Variants in HELZ observed in about 807,000 individuals in gnomAD.
HELZ encodes helicase with zinc finger.
A neutral mutation model predicts 218.2 loss-of-function variants in HELZ; 23 were observed. The ratio of observed to expected loss-of-function variants is 0.11; its 90% CI spans 0.08 to 0.15. The LOEUF is 0.15. HELZ is among the 10% of genes least tolerant of loss of function. The pLI is 1.00. For synonymous variants in HELZ, 814 were observed against 829.4 expected (o/e 0.98, Z 0.32); for missense variants, 1,813 against 2,353.7 (o/e 0.77, Z 4.75).
chr17:67,112,098 T>C (rs1367364418), intron 28 of HELZ, among the ~76,000 whole-genome samples: 1 of 152,224 alleles, frequency 6.6e-6, no homozygotes, highest in Non-Finnish European at 1.5e-5. Flanking sequence ...TGGTAAGAGC[T>C]GAAGAAGCCT....
chr17:67,162,223 C>T (rs960144634), intron 15 of HELZ, among the ~76,000 whole-genome samples: 16 of 152,182 alleles, frequency 1.1e-4, no homozygotes, highest in Middle Eastern at 3.4e-3. Flanking sequence ...CAAGACCACC[C>T]TGAGCAACAC....
chr17:67,120,582 C>A lies in HELZ; in HGVS notation c.3661G>T (p.Ala1221Ser). The A allele has an allele frequency of 1.9e-6, 3 of 1,612,744 alleles. No homozygotes were observed. The highest frequency in any genetic ancestry group is 8.5e-7 in the Non-Finnish European group (1 of 1,179,798). Residue 1221 changes from alanine (A) to serine (S), a missense_variant, in exon 27 of 33, where the codon GCA becomes TCA. Physicochemically the swap from Ala to Ser is moderately conservative, Grantham distance 99. Coordinates refer to ENST00000358691, the MANE Select transcript of HELZ (RefSeq NM_014877.4). Reference sequence around the variant, plus strand: ...TGTGTAATAATTCGAGGATCAACTGCAAACCTACCCTGGTATCCTGTCCAT... The same window carrying A: ...TGTGTAATAATTCGAGGATCAACTGAAAACCTACCCTGGTATCCTGTCCAT... ...VPWTGYQGRFAVDPRIITHQA... is the reference protein window; with the variant it reads ...VPWTGYQGRFSVDPRIITHQA...
intron 21 of HELZ, 111 bp from the exon 22 acceptor site, chr17:67,138,225 TAA>T (rs373757165): frequency 1.1e-3 from 608 of 538,636 alleles, no homozygotes; most frequent in South Asian, 1.5e-3. Flanking sequence ...AGATGTCATT[TAA>T]AAAAAAAAAA....
intron 13 of HELZ, among the ~76,000 whole-genome samples, chr17:67,174,159 A>T (rs2039387409): frequency 6.6e-6 from 1 of 151,964 alleles, no homozygotes; most frequent in South Asian, 2.1e-4. Context: ...AAAACAACCT[A>T]AGAAGAAATT....
intron 31 of HELZ, among the ~76,000 whole-genome samples, chr17:67,104,395 C>T (rs1310709922): frequency 2.0e-5 from 3 of 149,920 alleles, no homozygotes; most frequent in South Asian, 2.2e-4. Flanking sequence ...GCCGAGATGG[C>T]GCCACTGCAC....
chr17:67,245,841 C>T (rs1458695787), upstream of HELZ: 1 of 152,352 alleles, frequency 6.6e-6, no homozygotes, highest in African/African-American at 2.4e-5. Context: ...GTCCCGCGGT[C>T]TCCTCCTCCG....
Position 67,166,657 on chromosome 17 carries a change from A to G in HELZ, c.1765-49T>C, listed in dbSNP as rs376394315. 2.5e-6 allele frequency: 4 copies of G among 1,570,010 alleles called. No homozygotes were observed. In the African/African-American group the frequency reaches 4.1e-5, roughly 16 times the overall value. On this transcript the variant is annotated intron_variant, in intron 14 of 32. Transcript: ENST00000358691. ...AAAAACTGCATGAAAGCAAACATCA[A>G]TGCTGGCAGCTCACTAGAATACTTT...
chr17:67,241,204 A>G (rs2041305876), intron 2 of HELZ, among the ~76,000 whole-genome samples: 2 of 152,252 alleles, frequency 1.3e-5, no homozygotes, highest in Admixed American at 1.3e-4. Flanking sequence ...ATGTATATTC[A>G]CCTAAGTTTA....
intron 5 of HELZ, among the ~76,000 whole-genome samples, chr17:67,212,494 T>C (rs1008698769): frequency 1.3e-5 from 2 of 151,976 alleles, no homozygotes; most frequent in African/African-American, 4.8e-5. Flanking sequence ...CTAACCATAG[T>C]ACTTCATCTT....
chr17:67,182,329 C>A (rs1423121885), intron 12 of HELZ, among the ~76,000 whole-genome samples: 1 of 152,046 alleles, frequency 6.6e-6, no homozygotes, highest in Admixed American at 6.6e-5. Flanking sequence ...CCTGTAGTCC[C>A]AGCTACTCCA....
In HELZ at chr17:67,075,952, T is replaced by C. The variant is rs978513658; in HGVS notation, c.*2300A>G. ...AGCTTCCATCATCAACATATTTATA[T>C]AAGGTGATGGGGTGCATACACGACC... On this transcript the variant is annotated 3_prime_UTR_variant, in exon 33 of 33. Coordinates refer to ENST00000358691, the MANE Select transcript of HELZ (RefSeq NM_014877.4). 6.6e-6 allele frequency: 1 copy of C among 152,640 alleles called. No homozygotes were observed. Among genetic ancestry groups the C allele is most frequent in the African/African-American group, 2.4e-5 (1 of 41,454 alleles). 9.5% of individuals were successfully genotyped at this position (152,640 alleles called of 1,614,324 possible). A position where few individuals can be genotyped will look rare whatever the true frequency, so the allele number is the denominator to read the frequency against.
At chr17:67,243,753 A>C (rs767801472) in intron 2 of HELZ, 31 bp downstream of exon 2, 1 of 152,560 alleles carries the variant, frequency 6.6e-6, no homozygotes, top group Admixed American at 6.5e-5. Context: ...AAGAAGGAAA[A>C]AAAGGAAATC....
chr17:67,218,797 T>A lies in HELZ; in HGVS notation c.8A>T (p.Asp3Val), dbSNP rs2040672305. The change falls in exon 4 of 33, where the codon GAC becomes GTC. Residue 3 changes from aspartate to valine, a missense_variant. Transcript: ENST00000358691. ME[D>V]RRAEKSCEQA... ...TTCACATGACTTTTCAGCTCTTCTG[T>A]CTTCCATGACTCAGGGACAAAAATC... 1 of 1,614,004 alleles carries A rather than the reference T, an allele frequency of 6.2e-7. No homozygotes were observed. The highest frequency in any genetic ancestry group is 8.5e-7 in the Non-Finnish European group (1 of 1,179,992).
rs1472919131 is a variant in HELZ, at chr17:67,074,131, A to G, written c.*4121T>C. 1 of 152,188 alleles carries G rather than the reference A, an allele frequency of 6.6e-6. No homozygotes were observed. The highest frequency in any genetic ancestry group is 1.5e-5 in the Non-Finnish European group (1 of 68,018). The allele number at this position is 152,188 out of a possible 1,614,324, so 9.4% of individuals were successfully genotyped here. ...TTAAGACATTTATACCTTGAGATTC[A>G]GGAAGACATATAGCGCGGCAGTAGA... On this transcript the variant is annotated 3_prime_UTR_variant, in exon 33 of 33. Transcript: ENST00000358691.
rs1322691274 is a variant in HELZ at position 67,121,635 on chromosome 17, C to A, written c.3631-1023G>T. ...TCTCAGCCTGAAATTACAGTGCTTG[C>A]CTTAAATGAAAGAAATTGTTTCCAA... On this transcript the variant is annotated intron_variant, in intron 26 of 32. Transcript: ENST00000358691. 1.4e-4 allele frequency among the ~76,000 whole-genome samples: 21 copies of A among 152,106 alleles called. 1 individual carries two copies. Among genetic ancestry groups the A allele is most frequent in the Admixed American group, 1.4e-3 (21 of 15,272 alleles).
chr17:67,135,918 A>G, intron 23 of HELZ, 52 bp downstream of exon 23: 1 of 1,408,656 alleles, frequency 7.1e-7, no homozygotes, highest in Non-Finnish European at 9.8e-7. Flanking sequence ...ACATAGGGAT[A>G]CAAATCATGT....
At chr17:67,242,216 G>A (rs150541656) in intron 2 of HELZ, among the ~76,000 whole-genome samples, 13,743 of 152,142 alleles carry the variant, frequency 0.09, 815 homozygotes, top group Admixed American at 0.12. Context: ...AGGAGCTCGA[G>A]ACCAGCCTGA....
intron 32 of HELZ, among the ~76,000 whole-genome samples, chr17:67,082,395 G>A (rs1308258925): frequency 1.3e-5 from 2 of 152,148 alleles, no homozygotes; most frequent in African/African-American, 4.8e-5. Flanking sequence ...ACACCTGATG[G>A]AAGCTACTTC....
At chr17:67,106,511 G>T (rs1054111537) in intron 31 of HELZ, among the ~76,000 whole-genome samples, 1 of 151,986 alleles carries the variant, frequency 6.6e-6, no homozygotes, top group African/African-American at 2.4e-5. Flanking sequence ...GTTTCACCGT[G>T]TTAGCCAGGA....
Sources: gnomAD v4.1 joint callset for allele counts (sites outside exome capture counted in the v4.1 genomes callset) on GRCh38, gnomAD v4.1.1 for gene constraint, MANE v1.5 for transcripts, NCBI Gene and HGNC (gene_info 2026-07-23, HGNC 2026-07-21) for gene names.